Variants in MERTK observed in about 807,000 individuals in gnomAD.
MERTK encodes the protein tyrosine-protein kinase Mer.
In MERTK, 69 loss-of-function variants were observed where a neutral mutation model predicts 99.3. The observed-to-expected ratio is 0.70, with a 90% CI of 0.57 to 0.85. The LOEUF is 0.85. MERTK is among the 40% of genes least tolerant of loss of function. MERTK has a pLI of 0.00. For synonymous variants in MERTK, 426 were observed against 467.6 expected (o/e 0.91, Z 1.15); for missense variants, 1,125 against 1,249.4 (o/e 0.90, Z 1.50).
At chr2:112,014,802 A>AT (rs1177816704) in intron 15 of MERTK, among the ~76,000 whole-genome samples, 1 of 150,830 alleles carries the variant, frequency 6.6e-6, no homozygotes, top group Non-Finnish European at 1.5e-5. Context: ...CGCCTGGCTA[A>AT]TTTTTTTTGT....
At chr2:111,981,882 A>AT (rs1200306773) in intron 7 of MERTK, among the ~76,000 whole-genome samples, 5 of 152,048 alleles carry the variant, frequency 3.3e-5, no homozygotes, top group Non-Finnish European at 7.4e-5. Flanking sequence ...TGCATCTCAA[A>AT]TGCCACCAAG....
intron 2 of MERTK, among the ~76,000 whole-genome samples, chr2:111,935,914 A>G (rs1684757445): frequency 6.6e-6 from 1 of 151,894 alleles, no homozygotes; most frequent in Admixed American, 6.6e-5. Flanking sequence ...AAAAGTCTTC[A>G]AAAAAATTTT....
rs141537648 is a variant in MERTK at position 111,952,181 on chromosome 2, C to T, written c.757+4614C>T. ...TTTTTTTTTTCTTTGGTAGAGAAGA[C>T]TTGGGCTCACGTTTTTTTCCAGGGT... On this transcript the variant is annotated intron_variant, in intron 4 of 18. Coordinates refer to ENST00000295408, the MANE Select transcript of MERTK (RefSeq NM_006343.3). 2.4e-3 allele frequency: 363 copies of T among 153,118 alleles called. 1 individual carries two copies. Among genetic ancestry groups the T allele is most frequent in the Non-Finnish European group, 2.6e-3 (180 of 68,474 alleles). The allele number at this position is 153,118 out of a possible 1,614,324, so 9.5% of individuals were successfully genotyped here.
At chr2:111,999,711 C>T (rs528710776) in intron 10 of MERTK, among the ~76,000 whole-genome samples, 181 of 152,340 alleles carry the variant, frequency 1.2e-3, no homozygotes, top group Non-Finnish European at 1.7e-3. Context: ...TAGTGTCACA[C>T]GTGTCCATGT....
chr2:111,966,161 C>T (rs570344275), intron 5 of MERTK, among the ~76,000 whole-genome samples: 4 of 152,112 alleles, frequency 2.6e-5, no homozygotes, highest in Non-Finnish European at 5.9e-5. Flanking sequence ...TTATTTGGCT[C>T]ATGTTCTTTT....
chr2:111,911,062 T>C (rs1252716194), intron 1 of MERTK, among the ~76,000 whole-genome samples: 1 of 152,144 alleles, frequency 6.6e-6, no homozygotes, highest in Non-Finnish European at 1.5e-5. Flanking sequence ...TCAGCTAACC[T>C]TTCCCTGATT....
chr2:111,915,721 C>T (rs992518455), intron 1 of MERTK, among the ~76,000 whole-genome samples: 8 of 151,996 alleles, frequency 5.3e-5, no homozygotes, highest in Admixed American at 2.6e-4. Context: ...CATGGTGAAA[C>T]CTCATCTCTA....
chr2:111,925,688 G>A (rs980613715), intron 1 of MERTK, among the ~76,000 whole-genome samples: 8 of 151,786 alleles, frequency 5.3e-5, no homozygotes, highest in Admixed American at 5.3e-4. Flanking sequence ...CACTTTAGTG[G>A]GTGGCCTTGC....
At chr2:111,954,075 C>T (rs933386630) in intron 4 of MERTK, among the ~76,000 whole-genome samples, 2 of 152,176 alleles carry the variant, frequency 1.3e-5, no homozygotes, top group Non-Finnish European at 1.5e-5. Flanking sequence ...AAGAGGTTCT[C>T]CTAAAATACA....
At chr2:111,928,666 A>G (rs1684611926) in intron 1 of MERTK, among the ~76,000 whole-genome samples, 1 of 152,006 alleles carries the variant, frequency 6.6e-6, no homozygotes, top group African/African-American at 2.4e-5. Context: ...TTGTATTTTT[A>G]GTAGAGACAG....
At chr2:111,958,687 G>C (rs1685192401) in intron 4 of MERTK, among the ~76,000 whole-genome samples, 1 of 152,108 alleles carries the variant, frequency 6.6e-6, no homozygotes, top group South Asian at 2.1e-4. Flanking sequence ...ACTATGAAAA[G>C]AAACACACAG....
At chr2:112,001,420 T>C in intron 11 of MERTK, 134 bp downstream of exon 11, 1 of 775,794 alleles carries the variant, frequency 1.3e-6, no homozygotes, top group Non-Finnish European at 2.2e-6. Flanking sequence ...AAAATGTCTT[T>C]AAAAGCAGCA....
intron 5 of MERTK, among the ~76,000 whole-genome samples, chr2:111,967,630 A>G (rs376261535): frequency 1.3e-5 from 2 of 151,940 alleles, no homozygotes; most frequent in African/African-American, 4.8e-5. Context: ...CCCCCTACAC[A>G]TGCACACATA....
intron 8 of MERTK, among the ~76,000 whole-genome samples, chr2:111,988,901 A>G (rs917295229): frequency 1.3e-5 from 2 of 152,218 alleles, no homozygotes; most frequent in Non-Finnish European, 2.9e-5. Flanking sequence ...GTAAGCCAAG[A>G]TGGCGCCACT....
At chr2:111,956,504 T>A (rs1181040346) in intron 4 of MERTK, among the ~76,000 whole-genome samples, 1 of 152,200 alleles carries the variant, frequency 6.6e-6, no homozygotes, top group African/African-American at 2.4e-5. Flanking sequence ...CTAAGCTAGC[T>A]TTTGTTTTAG....
At chr2:111,922,530 T>G in intron 1 of MERTK, among the ~76,000 whole-genome samples, 1 of 152,246 alleles carries the variant, frequency 6.6e-6, no homozygotes, top group East Asian at 1.9e-4. Context: ...AACTCAGCCC[T>G]TATCCCCGCA....
chr2:111,901,129 C>G (rs928521683), intron 1 of MERTK, among the ~76,000 whole-genome samples: 2 of 152,270 alleles, frequency 1.3e-5, no homozygotes, highest in Non-Finnish European at 2.9e-5. Context: ...TCCAGTCTTT[C>G]CTTTCTGCTC....
rs775223365 is a variant in MERTK, at chr2:112,021,541, A to G, written c.2309A>G (p.Glu770Gly). The change falls in exon 17 of 19, where the codon GAA (glutamate) becomes GGA (glycine). Residue 770 changes from glutamate (E) to glycine (G), a missense_variant. Coordinates refer to ENST00000295408, the MANE Select transcript of MERTK (RefSeq NM_006343.3). Reference protein sequence around the residue: ...AKMPVKWIAIESLADRVYTSK... With the variant: ...AKMPVKWIAIGSLADRVYTSK... ...ATGCCTGTTAAATGGATCGCCATAG[A>G]AAGTCTTGCAGACCGAGTCTACACA... The G allele has an allele frequency of 3.2e-6, 5 of 1,542,534 alleles. No homozygotes were observed. The highest frequency in any genetic ancestry group is 4.4e-6 in the Non-Finnish European group (5 of 1,139,572).
At chr2:111,954,921 T>C (rs13386914) in intron 4 of MERTK, among the ~76,000 whole-genome samples, 1 of 151,782 alleles carries the variant, frequency 6.6e-6, no homozygotes, top group Non-Finnish European at 1.5e-5. Flanking sequence ...TTTTAATTAA[T>C]TTTTTTTTAA....
Sources: gnomAD v4.1 joint callset for allele counts (sites outside exome capture counted in the v4.1 genomes callset) on GRCh38, gnomAD v4.1.1 for gene constraint, MANE v1.5 for transcripts, NCBI Gene and HGNC (gene_info 2026-07-23, HGNC 2026-07-21) for gene names.